The following PRKCE variants were observed in gnomAD, a reference collection of about 807,000 sequenced individuals.
The protein encoded by PRKCE is protein kinase C epsilon type.
PRKCE carries 16 observed loss-of-function variants against 85.4 expected under a neutral mutation model. The ratio of observed to expected loss-of-function variants is 0.19; its 90% confidence interval spans 0.13 to 0.28. The LOEUF (loss-of-function observed/expected upper bound fraction) is 0.28, where lower values mean the gene tolerates loss of function less well. PRKCE is among the 10% of genes least tolerant of loss of function. PRKCE has a pLI of 1.00. For synonymous variants in PRKCE, 388 were observed against 371.5 expected (o/e 1.04, Z -0.51); for missense variants, 573 against 975.2 (o/e 0.59, Z 5.49).
At chr2:45,915,711 G>A (rs566296851) in intron 2 of PRKCE, among the ~76,000 whole-genome samples, 5 of 152,228 alleles carry the variant, frequency 3.3e-5, no homozygotes, top group South Asian at 2.1e-4. Context: ...GCTCAGTCGC[G>A]GCCTTGTTTT....
chr2:45,779,822 T>C (rs1686043231), intron 1 of PRKCE, among the ~76,000 whole-genome samples: 2 of 152,208 alleles, frequency 1.3e-5, no homozygotes, highest in Admixed American at 1.3e-4. Flanking sequence ...AATTTCCTTG[T>C]CATCAAAAAT....
At chr2:45,940,542 A>G (rs1699797653) in intron 2 of PRKCE, among the ~76,000 whole-genome samples, 1 of 152,222 alleles carries the variant, frequency 6.6e-6, no homozygotes. Flanking sequence ...TGGAAGAAGC[A>G]GAGAACACGT....
intron 3 of PRKCE, among the ~76,000 whole-genome samples, chr2:45,977,835 A>G (rs1702580557): frequency 6.6e-6 from 1 of 152,182 alleles, no homozygotes; most frequent in African/African-American, 2.4e-5. Context: ...CTGACATCCC[A>G]CCAGCCTTTC....
chr2:45,678,682 A>C (rs1324938231), intron 1 of PRKCE, among the ~76,000 whole-genome samples: 1 of 148,628 alleles, frequency 6.7e-6, no homozygotes, highest in Non-Finnish European at 1.5e-5. Flanking sequence ...TTTATCATGT[A>C]ATTATCTGGA....
At chr2:45,880,691 C>T (rs55790031) in intron 2 of PRKCE, among the ~76,000 whole-genome samples, 45,615 of 151,914 alleles carry the variant, frequency 0.3, 7,734 homozygotes, top group East Asian at 0.55. Context: ...GACAAATATC[C>T]GGCCTCTAGG....
In PRKCE at chr2:46,085,736, G is replaced by GTTTTTTTTT. The variant is rs1170933914; in HGVS notation, c.1438-468_1438-460dup. On this transcript the variant is annotated intron_variant, in intron 10 of 14. Coordinates refer to ENST00000306156, the MANE Select transcript of PRKCE (RefSeq NM_005400.3). ...TCACTTAATTACATCTGCAAAATCC[G>GTTTTTTTTT]TTTTTTTTTTTTGTTTTTGTTTTTT... Among the ~76,000 whole-genome samples, 11 of 104,568 alleles carry GTTTTTTTTT rather than the reference G, an allele frequency of 1.1e-4. 2 individuals are homozygous for GTTTTTTTTT. Among genetic ancestry groups the GTTTTTTTTT allele is most frequent in the East Asian group, 3.3e-4 (1 of 3,024 alleles). The allele number at this position is 104,568 out of a possible 152,430, so 68.6% of individuals were successfully genotyped here. A position where few individuals can be genotyped will look rare whatever the true frequency, so the allele number is the denominator to read the frequency against.
intron 2 of PRKCE, among the ~76,000 whole-genome samples, chr2:45,874,968 G>T (rs77678207): frequency 1.4e-4 from 21 of 151,994 alleles, no homozygotes; most frequent in Non-Finnish European, 2.9e-5. Context: ...TTCTCATTAC[G>T]GAAAGGGGAA....
At chr2:45,675,583 A>T (rs1427441730) in intron 1 of PRKCE, 1 of 152,188 alleles carries the variant, frequency 6.6e-6, no homozygotes, top group African/African-American at 2.4e-5. Context: ...TGGTTTGAGG[A>T]AATTCAGTGG....
intron 10 of PRKCE, among the ~76,000 whole-genome samples, chr2:46,022,635 C>T (rs1056961383): frequency 6.6e-6 from 1 of 152,274 alleles, no homozygotes; most frequent in African/African-American, 2.4e-5. Context: ...TATTTTACAT[C>T]AGGGTTCCAA....
rs938922396 is a variant in PRKCE, at chr2:46,156,512, G to A, written c.1921-3094G>A. ...CACTTGGTACAGAATGGAGACTCATGTGTGTGCAAAGGAAGGAGAGAAGGG... is the reference window on the plus strand; with the variant it reads ...CACTTGGTACAGAATGGAGACTCATATGTGTGCAAAGGAAGGAGAGAAGGG... On this transcript the variant is annotated intron_variant, in intron 13 of 14. Transcript: ENST00000306156. 3.3e-5 allele frequency among the ~76,000 whole-genome samples: 5 copies of A among 152,234 alleles called. No homozygotes were observed. In the South Asian group the frequency reaches 1.0e-3, roughly 31 times the overall value.
chr2:45,874,561 C>G (rs1694331749), intron 2 of PRKCE, among the ~76,000 whole-genome samples: 1 of 152,238 alleles, frequency 6.6e-6, no homozygotes, highest in Admixed American at 6.5e-5. Flanking sequence ...TTGTCTCACT[C>G]TCTGGCTTGG....
At chr2:46,099,711 T>C (rs1039011720) in intron 11 of PRKCE, among the ~76,000 whole-genome samples, 2 of 152,204 alleles carry the variant, frequency 1.3e-5, no homozygotes, top group Admixed American at 1.3e-4. Context: ...TTATGATAAA[T>C]GTATAGTTAT....
At chr2:46,028,077 G>C (rs57792913) in intron 10 of PRKCE, among the ~76,000 whole-genome samples, 2 of 152,116 alleles carry the variant, frequency 1.3e-5, no homozygotes, top group African/African-American at 2.4e-5. Flanking sequence ...GAGTAGCTGG[G>C]ATTACAGGCT....
At chr2:45,798,419 C>A (rs1045575790) in intron 1 of PRKCE, among the ~76,000 whole-genome samples, 1 of 152,182 alleles carries the variant, frequency 6.6e-6, no homozygotes, top group African/African-American at 2.4e-5. Flanking sequence ...GCCTCACATA[C>A]ATGCCTGCCC....
At position 45,674,976 on chromosome 2, in the gene PRKCE, A is replaced by T. The variant is rs17033973; in HGVS notation, c.348+22528A>T. ...TTTCTGTGTTTGGATTATGCATGTT[A>T]TAAATCCAGTATCTTAATTTCCATT... On this transcript the variant is annotated intron_variant, in intron 1 of 14. Coordinates refer to ENST00000306156, the MANE Select transcript of PRKCE (RefSeq NM_005400.3). 2.6e-5 allele frequency: 4 copies of T among 152,150 alleles called. No homozygotes were observed. In the East Asian group the frequency reaches 5.8e-4, roughly 22 times the overall value. 9.4% of individuals were successfully genotyped at this position (152,150 alleles called of 1,614,324 possible).
At chr2:45,807,083 A>G (rs887430631) in intron 1 of PRKCE, among the ~76,000 whole-genome samples, 9 of 152,230 alleles carry the variant, frequency 5.9e-5, no homozygotes, top group Non-Finnish European at 1.0e-4. Flanking sequence ...TGGGGAGCAG[A>G]TAGGCCTTGG....
At chr2:46,021,850 A>G (rs111883965) in intron 10 of PRKCE, among the ~76,000 whole-genome samples, 1,764 of 152,202 alleles carry the variant, frequency 0.012, 10 homozygotes, top group Non-Finnish European at 0.019. Flanking sequence ...GTGTGTGTCC[A>G]GTTTAGATTC....
At chr2:45,660,845 A>G (rs1675603474) in intron 1 of PRKCE, among the ~76,000 whole-genome samples, 1 of 152,208 alleles carries the variant, frequency 6.6e-6, no homozygotes, top group Non-Finnish European at 1.5e-5. Context: ...TGAAGTGGCC[A>G]AAAGTCTGTA....
At chr2:46,105,297 A>C (rs1485684440) in intron 11 of PRKCE, among the ~76,000 whole-genome samples, 1 of 152,060 alleles carries the variant, frequency 6.6e-6, no homozygotes, top group East Asian at 1.9e-4. Flanking sequence ...ATCATATTAG[A>C]GTCTATAGCT....
Sources: allele counts gnomAD v4.1 joint callset (sites outside exome capture counted in the v4.1 genomes callset), GRCh38; gene constraint gnomAD v4.1.1; transcripts MANE v1.5; gene names NCBI Gene and HGNC (gene_info 2026-07-23, HGNC 2026-07-21).